The following ROBO2 variants were observed in gnomAD, a reference collection of about 807,000 sequenced individuals.
ROBO2 encodes roundabout guidance receptor 2.
Under a neutral mutation model 160.8 loss-of-function variants are expected in ROBO2, and 53 were observed. The observed-to-expected ratio is 0.33, with a 90% CI of 0.26 to 0.41. ROBO2 has a LOEUF of 0.41. Ranked by LOEUF, ROBO2 falls within the 10% of genes least tolerant of loss-of-function variation. ROBO2 has a pLI of 1.00. For missense variants in ROBO2, 1,577 were observed against 1,722.4 expected, an observed-to-expected ratio of 0.92 and a Z score of 1.49; for synonymous variants, 664 against 611.7, an observed-to-expected ratio of 1.09 and a Z score of -1.26.
intron 19 of ROBO2, among the ~76,000 whole-genome samples, chr3:77,601,776 A>G (rs191578547): frequency 3.9e-5 from 6 of 152,346 alleles, no homozygotes; most frequent in African/African-American, 1.4e-4. Flanking sequence ...TTGAAATGTT[A>G]GCATGTATTT....
rs1233059701 is a variant in ROBO2, at chr3:76,184,590, TAGATA to T, written c.109+246992_109+246996del. On this transcript the variant is annotated intron_variant, in intron 2 of 26. Transcript: ENST00000487694. ...ATAGATAGATAGATAGATAGATAGA[TAGATA>T]AGAGGGGATTTATTAGGGGAATTGG... Among the ~76,000 whole-genome samples, 21 of 124,512 alleles carry T rather than the reference TAGATA, an allele frequency of 1.7e-4. No homozygotes were observed. The East Asian group carries it at 8.8e-3, about 52-fold the overall frequency. 81.7% of individuals were successfully genotyped at this position (124,512 alleles called of 152,430 possible).
intron 2 of ROBO2, among the ~76,000 whole-genome samples, chr3:77,221,854 CTT>C (rs5850317): frequency 1.4e-5 from 2 of 140,282 alleles, no homozygotes; most frequent in Admixed American, 7.1e-5. Flanking sequence ...TTTTCTTTTT[CTT>C]TTTTTTTTTT....
intron 5 of ROBO2, among the ~76,000 whole-genome samples, chr3:77,509,345 T>C (rs906707314): frequency 1.3e-5 from 2 of 152,060 alleles, no homozygotes; most frequent in African/African-American, 4.8e-5. Context: ...CTTCCCCAGC[T>C]TAACAATCCC....
intron 2 of ROBO2, among the ~76,000 whole-genome samples, chr3:76,126,187 GTCAAAC>G (rs2070981910): frequency 6.6e-6 from 1 of 152,174 alleles, no homozygotes; most frequent in Non-Finnish European, 1.5e-5. Context: ...AGTGAATCAG[GTCAAAC>G]TCTTTGCTTT....
At chr3:76,388,625 A>G (rs192671201) in intron 2 of ROBO2, among the ~76,000 whole-genome samples, 1 of 152,088 alleles carries the variant, frequency 6.6e-6, no homozygotes, top group Non-Finnish European at 1.5e-5. Context: ...TGTACAACCA[A>G]TTTTGTAGGT....
chr3:76,372,934 T>C (rs1007391923), intron 2 of ROBO2, among the ~76,000 whole-genome samples: 1 of 151,986 alleles, frequency 6.6e-6, no homozygotes, highest in Admixed American at 6.6e-5. Flanking sequence ...CCCTGAAGAA[T>C]AATGAGATTT....
intron 2 of ROBO2, among the ~76,000 whole-genome samples, chr3:77,190,781 A>G (rs1213712956): frequency 6.6e-6 from 1 of 152,118 alleles, no homozygotes; most frequent in African/African-American, 2.4e-5. Context: ...TGAAGTCTGT[A>G]TACAAAACCA....
intron 6 of ROBO2, among the ~76,000 whole-genome samples, chr3:77,537,910 C>T (rs2092234599): frequency 6.6e-6 from 1 of 152,062 alleles, no homozygotes; most frequent in Admixed American, 6.5e-5. Flanking sequence ...TTACCTCCCA[C>T]CGGGTCCCTC....
rs73114575 is a variant in ROBO2, at chr3:77,586,210, G to T, written c.2501-2541G>T. 2.0e-5 allele frequency among the ~76,000 whole-genome samples: 3 copies of T among 152,028 alleles called. No individual in the cohort carries two copies. The East Asian group carries it at 5.8e-4, about 29-fold the overall frequency. The stretch of plus-strand genomic sequence containing the variant: ...TCATTGCATTTACAGACACAAAAAT[G>T]CAATCAAATACATTCAGATATATAT... On this transcript the variant is annotated intron_variant, in intron 16 of 25. Coordinates refer to ENST00000461745, the Ensembl canonical transcript of ROBO2.
chr3:77,082,332 T>C (rs575606297), intron 1 of ROBO2, among the ~76,000 whole-genome samples: 16 of 152,288 alleles, frequency 1.1e-4, no homozygotes, highest in African/African-American at 3.6e-4. Flanking sequence ...AGTTGTCTAA[T>C]TGGTGGTGGT....
At chr3:76,416,784 C>T (rs1255351519) in intron 2 of ROBO2, among the ~76,000 whole-genome samples, 4 of 151,292 alleles carry the variant, frequency 2.6e-5, no homozygotes, top group Non-Finnish European at 4.4e-5. Flanking sequence ...TCTGCGCCGT[C>T]AACTTTCTTT....
At chr3:76,471,960 G>A (rs758399332) in intron 2 of ROBO2, among the ~76,000 whole-genome samples, 37 of 151,982 alleles carry the variant, frequency 2.4e-4, no homozygotes, top group Admixed American at 6.6e-4. Flanking sequence ...CTCCCATCAG[G>A]TCCCTCCCAC....
intron 2 of ROBO2, among the ~76,000 whole-genome samples, chr3:76,345,379 A>G (rs1252718543): frequency 2.7e-5 from 4 of 150,800 alleles, no homozygotes; most frequent in African/African-American, 9.7e-5. Flanking sequence ...ATGTGTGAGA[A>G]TGTGTATAAA....
In ROBO2 at chr3:76,550,631, C is replaced by T. The variant is rs76286160; in HGVS notation, c.110-547383C>T. Among the ~76,000 whole-genome samples, 1,087 of 152,314 alleles carry T rather than the reference C, an allele frequency of 7.1e-3. 7 individuals carry two copies. Among genetic ancestry groups the T allele is most frequent in the Non-Finnish European group, 0.012 (807 of 68,032 alleles). The stretch of plus-strand genomic sequence containing the variant: ...GCCACAGCTCCAGACCCAGGCATCC[C>T]TGCACTCTCAGGGGCCTGGGAAGCT... On this transcript the variant is annotated intron_variant, in intron 2 of 26. Transcript: ENST00000487694.
At chr3:76,372,502 C>T (rs1410493484) in intron 2 of ROBO2, among the ~76,000 whole-genome samples, 1 of 151,952 alleles carries the variant, frequency 6.6e-6, no homozygotes, top group African/African-American at 2.4e-5. Context: ...ACGTCTCCAA[C>T]TCCCAAACTG....
intron 2 of ROBO2, among the ~76,000 whole-genome samples, chr3:76,248,330 T>C (rs1173164909): frequency 1.3e-5 from 2 of 152,020 alleles, no homozygotes; most frequent in African/African-American, 2.4e-5. Flanking sequence ...GATGAGTTCA[T>C]GTCCTTTGTA....
intron 2 of ROBO2, among the ~76,000 whole-genome samples, chr3:76,726,641 C>T (rs1293156381): frequency 6.6e-6 from 1 of 152,144 alleles, no homozygotes; most frequent in Non-Finnish European, 1.5e-5. Flanking sequence ...TCACTCCTAC[C>T]ATTTTTCTGA....
intron 1 of ROBO2, among the ~76,000 whole-genome samples, chr3:75,911,497 C>A (rs1946577965): frequency 6.8e-6 from 1 of 147,966 alleles, no homozygotes; most frequent in Non-Finnish European, 1.5e-5. Flanking sequence ...TGCCCTAGTT[C>A]TGCCTTTTAT....
chr3:75,934,483 A>T (rs73123273), intron 1 of ROBO2, among the ~76,000 whole-genome samples: 1 of 152,270 alleles, frequency 6.6e-6, no homozygotes, highest in Non-Finnish European at 1.5e-5. Flanking sequence ...TACTTGTTTT[A>T]TCTTTCATGG....
Sources: allele counts gnomAD v4.1 joint callset (sites outside exome capture counted in the v4.1 genomes callset), GRCh38; gene constraint gnomAD v4.1.1; transcripts MANE v1.5; gene names NCBI Gene and HGNC (gene_info 2026-07-23, HGNC 2026-07-21).